Variants in SRP72 observed in about 807,000 individuals in gnomAD.
SRP72 encodes the protein signal recognition particle subunit SRP72.
In SRP72, 49 loss-of-function variants were observed where a neutral mutation model predicts 96.3. The observed-to-expected ratio is 0.51, with a 90% CI of 0.40 to 0.65. The LOEUF is 0.65. Among genes scored for constraint, SRP72 ranks in the 30% least tolerant of loss-of-function variants. The pLI is 0.00. For missense variants in SRP72, 736 were observed against 793.3 expected (o/e 0.93, Z 0.87); for synonymous variants, 267 against 275.2 (o/e 0.97, Z 0.30).
chr4:56,493,538 A>C (rs1346969527), intron 16 of SRP72, among the ~76,000 whole-genome samples: 1 of 152,076 alleles, frequency 6.6e-6, no homozygotes, highest in Non-Finnish European at 1.5e-5. Context: ...CTAGGTGTTG[A>C]CCAGAAAATA....
At chr4:56,487,048 T>C (rs962701375) in intron 11 of SRP72, among the ~76,000 whole-genome samples, 3 of 152,230 alleles carry the variant, frequency 2.0e-5, no homozygotes, top group Non-Finnish European at 4.4e-5. Flanking sequence ...AGAAGCTTAG[T>C]AGCTATATGC....
chr4:56,499,829 C>G (rs1243386311), intron 17 of SRP72, among the ~76,000 whole-genome samples: 5 of 152,072 alleles, frequency 3.3e-5, no homozygotes, highest in South Asian at 2.1e-4. Flanking sequence ...GACCTAGAAC[C>G]AGAAATACCA....
chr4:56,491,905 G>T (rs534315885), intron 16 of SRP72, among the ~76,000 whole-genome samples: 1 of 152,048 alleles, frequency 6.6e-6, no homozygotes, highest in East Asian at 1.9e-4. Context: ...CTGTCTCCCA[G>T]GCTGGAGTAC....
At chr4:56,498,789 A>G (rs977016021) in intron 17 of SRP72, among the ~76,000 whole-genome samples, 3 of 152,252 alleles carry the variant, frequency 2.0e-5, no homozygotes, top group Non-Finnish European at 4.4e-5. Context: ...ATGGAAGAAC[A>G]TTCCATGCTC....
intron 16 of SRP72, among the ~76,000 whole-genome samples, chr4:56,494,167 T>C (rs2110129983): frequency 7.5e-6 from 1 of 134,006 alleles, no homozygotes; most frequent in African/African-American, 2.8e-5. Flanking sequence ...CAATTTAGAA[T>C]ACTATTGCAC....
At chr4:56,488,787 A>G (rs1720807762) in intron 12 of SRP72, among the ~76,000 whole-genome samples, 1 of 152,098 alleles carries the variant, frequency 6.6e-6, no homozygotes, top group African/African-American at 2.4e-5. Context: ...GATATTGGTT[A>G]TTCATGTATT....
At chr4:56,500,475 TA>T in intron 17 of SRP72, 60 bp from the exon 18 acceptor site, 1 of 1,537,484 alleles carries the variant, frequency 6.5e-7, no homozygotes, top group Non-Finnish European at 8.9e-7. Context: ...AGACATCGTT[TA>T]AACAAACTAT....
intron 1 of SRP72, 146 bp downstream of exon 1, chr4:56,467,890 C>G (rs1719804921): frequency 2.4e-6 from 2 of 838,340 alleles, no homozygotes; most frequent in African/African-American, 1.8e-5. Context: ...GGCTCGGGCC[C>G]TAGCGCCCGG....
intron 1 of SRP72, 107 bp downstream of exon 1, chr4:56,467,851 C>A: frequency 9.4e-7 from 1 of 1,067,936 alleles, no homozygotes; most frequent in Non-Finnish European, 1.3e-6. Flanking sequence ...AGGGGAGACC[C>A]CCGAAACCCC....
At chr4:56,495,448 T>C (rs1721044550) in intron 17 of SRP72, 54 bp downstream of exon 17, 1 of 1,212,708 alleles carries the variant, frequency 8.2e-7, no homozygotes, top group Non-Finnish European at 1.2e-6. Context: ...TGTTTGATTT[T>C]AGCCCTATAT....
Position 56,484,741 on chromosome 4 carries a change from A to G in SRP72, c.963A>G (p.Glu321=). 1 of 1,614,070 alleles carries G rather than the reference A, an allele frequency of 6.2e-7. No individual in the cohort carries two copies. The highest frequency in any genetic ancestry group is 8.5e-7 in the Non-Finnish European group (1 of 1,180,028). Reference sequence around the variant, plus strand: ...GGGGGTTGGATATCTTCTAGGCTGAACAATGCCGCAAAATATCTGCCAGTT... The same window carrying G: ...GGGGGTTGGATATCTTCTAGGCTGAGCAATGCCGCAAAATATCTGCCAGTT... ...ALLAMYTNQA[E]QCRKISASLQ... The change falls in exon 10 of 19, where the codon GAA becomes GAG. Residue 321 remains glutamate (E), a synonymous_variant. Coordinates refer to ENST00000642900, the MANE Select transcript of SRP72 (RefSeq NM_006947.4).
At position 56,487,959 on chromosome 4, in the gene SRP72, T is replaced by C. The variant is rs143262707; in HGVS notation, c.1170T>C (p.Ser390=). ...GTTTATTCTCCTAAGGTAATATTTCTAAAGCATGTCTAATATTGAGAAGCA... is the reference window on the plus strand; with the variant it reads ...GTTTATTCTCCTAAGGTAATATTTCCAAAGCATGTCTAATATTGAGAAGCA... ...AQLKISQGNI[S]KACLILRSIE... The change falls in exon 12 of 19, where the codon TCT becomes TCC. Residue 390 remains serine, a synonymous_variant. Coordinates refer to ENST00000642900, the MANE Select transcript of SRP72 (RefSeq NM_006947.4). 267 of 1,599,882 alleles carry C rather than the reference T, an allele frequency of 1.7e-4. 1 individual carries two copies. In the African/African-American group the frequency reaches 3.4e-3, roughly 20 times the overall value.
chr4:56,482,867 A>AAGCC (rs1447501892), intron 8 of SRP72, among the ~76,000 whole-genome samples: 4 of 152,186 alleles, frequency 2.6e-5, no homozygotes, highest in African/African-American at 9.7e-5. Context: ...TATACCTAGG[A>AAGCC]AGCCTCCTTT....
chr4:56,490,256 G>A (rs1720860531), intron 13 of SRP72, 77 bp from the exon 14 acceptor site: 1 of 1,136,800 alleles, frequency 8.8e-7, no homozygotes, highest in South Asian at 1.5e-5. Context: ...ATTTCTTAAA[G>A]GTCTAATGAA....
chr4:56,486,288 A>C (rs1720706977), intron 10 of SRP72, 37 bp from the exon 11 acceptor site: 3 of 1,483,004 alleles, frequency 2.0e-6, no homozygotes, highest in Non-Finnish European at 2.8e-6. Flanking sequence ...TGTGTAAATT[A>C]AATGTGATTT....
Position 56,474,171 on chromosome 4 carries a change from C to T in SRP72, c.472C>T (p.Gln158Ter). 2 of 1,614,148 alleles carry T rather than the reference C, an allele frequency of 1.2e-6. No homozygotes were observed. The highest frequency in any genetic ancestry group is 1.1e-5 in the South Asian group (1 of 91,060). ...AAACCTTTCAGCAGTTGTTGCAGCT[C>T]AAAGCAATTGGGAAAAAGTGGTTCC... ...KTNLSAVVAAQSNWEKVVPEN... is the reference protein window; with the variant it reads ...KTNLSAVVAA Residue 158 changes from glutamine (Q) to a stop codon, truncating the protein, a stop_gained, in exon 4 of 19, where the codon CAA becomes TAA. Coordinates refer to ENST00000642900, the MANE Select transcript of SRP72 (RefSeq NM_006947.4). LOFTEE classifies it high-confidence loss of function.
chr4:56,478,212 C>G (rs1425895333), intron 6 of SRP72, among the ~76,000 whole-genome samples, 167 bp from the exon 7 acceptor site: 1 of 118,688 alleles, frequency 8.4e-6, no homozygotes, highest in Non-Finnish European at 1.8e-5. Flanking sequence ...TTGCTGTTTT[C>G]ACTTAAACTT....
At position 56,478,394 on chromosome 4, in the gene SRP72, G is replaced by T; in HGVS notation, c.658G>T (p.Asp220Tyr). ...LSEDTDGTEEDPQAELAIIHG... is the reference protein window; with the variant it reads ...LSEDTDGTEEYPQAELAIIHG... ...TTTCTCTTAGGATGGGACTGAGGAA[G>T]ACCCACAGGCAGAACTGGCCATCAT... The change falls in exon 7 of 19, where the codon GAC (aspartate) becomes TAC (tyrosine). Residue 220 changes from aspartate to tyrosine, a missense_variant. Coordinates refer to ENST00000642900, the MANE Select transcript of SRP72 (RefSeq NM_006947.4). 6.2e-7 allele frequency: 1 copy of T among 1,606,932 alleles called. No individual in the cohort carries two copies. The highest frequency in any genetic ancestry group is 8.5e-7 in the Non-Finnish European group (1 of 1,177,468).
intron 10 of SRP72, among the ~76,000 whole-genome samples, chr4:56,485,400 CAAAAAAAAAA>C (rs59208269): frequency 1.1e-5 from 1 of 92,408 alleles, no homozygotes; most frequent in African/African-American, 3.8e-5. Flanking sequence ...CTCCCCACAG[CAAAAAAAAAA>C]AAAAAAAAAA....
Sources: gnomAD v4.1 joint callset for allele counts (sites outside exome capture counted in the v4.1 genomes callset) on GRCh38, gnomAD v4.1.1 for gene constraint, MANE v1.5 for transcripts, NCBI Gene and HGNC (gene_info 2026-07-23, HGNC 2026-07-21) for gene names.